The following SCIN variants were observed in gnomAD, a reference collection of about 807,000 sequenced individuals.
SCIN encodes the protein scinderin.
SCIN carries 91 observed loss-of-function variants against 91.8 expected under a neutral mutation model. The ratio of observed to expected loss-of-function variants is 0.99; its 90% CI spans 0.84 to 1.18. The LOEUF (loss-of-function observed/expected upper bound fraction) is 1.18, where lower values mean the gene tolerates loss of function less well. Ranked by LOEUF, SCIN falls within the 50% of genes most tolerant of loss-of-function variation. The pLI, the probability that SCIN is intolerant of heterozygous loss-of-function variation, is 0.00. For missense variants in SCIN, 1,087 were observed against 863.9 expected (o/e 1.26, Z -3.24); for synonymous variants, 367 against 312.6 (o/e 1.17, Z -1.84).
At chr7:12,643,944 A>C (rs1426260028) in intron 11 of SCIN, among the ~76,000 whole-genome samples, 194 bp from the exon 12 acceptor site, 3 of 152,126 alleles carry the variant, frequency 2.0e-5, no homozygotes, top group Admixed American at 2.0e-4. Flanking sequence ...CAAATCCACA[A>C]GTGACACAGA....
At chr7:12,616,372 T>C (rs1488720345) in intron 4 of SCIN, among the ~76,000 whole-genome samples, 2 of 152,266 alleles carry the variant, frequency 1.3e-5, no homozygotes, top group East Asian at 3.9e-4. Flanking sequence ...AAAAGTGAGT[T>C]TGGCCCCTTC....
Position 12,604,533 on chromosome 7 carries a change from G to T in SCIN, c.536G>T (p.Gly179Val). The T allele has an allele frequency of 6.4e-7, 1 of 1,551,670 alleles. No individual in the cohort carries two copies. The highest frequency in any genetic ancestry group is 8.7e-7 in the Non-Finnish European group (1 of 1,146,988). ...TTTTAGGAAATTTATCAGTGGTGTG[G>T]TTCCTCGTGCAACAAATATGAACGT... ...DLGTEIYQWCGSSCNKYERLK... is the reference protein window; with the variant it reads ...DLGTEIYQWCVSSCNKYERLK... The change falls in exon 4 of 16, where the codon GGT (glycine) becomes GTT (valine). Residue 179 changes from glycine to valine, a missense_variant. By Grantham distance (109) the Gly-to-Val change is moderately radical (BLOSUM62 -3). Transcript: ENST00000297029.
chr7:12,578,344 C>A, intron 2 of SCIN, 126 bp downstream of exon 2: 2 of 821,878 alleles, frequency 2.4e-6, no homozygotes, highest in East Asian at 2.9e-5. Context: ...TTGTTTTAAT[C>A]TGTTTTGTTC....
intron 14 of SCIN, among the ~76,000 whole-genome samples, chr7:12,649,862 A>G (rs1583325233): frequency 1.3e-5 from 2 of 152,324 alleles, no homozygotes; most frequent in East Asian, 3.9e-4. Flanking sequence ...ATTCGTGTGT[A>G]CAGTGTCATG....
chr7:12,602,054 G>T (rs762858600), intron 3 of SCIN, among the ~76,000 whole-genome samples: 11 of 152,078 alleles, frequency 7.2e-5, no homozygotes, highest in Non-Finnish European at 1.5e-4. Flanking sequence ...GCCAGATATC[G>T]GCGGAACCCG....
At chr7:12,594,545 T>C (rs1782796814) in intron 3 of SCIN, among the ~76,000 whole-genome samples, 1 of 152,180 alleles carries the variant, frequency 6.6e-6, no homozygotes, top group African/African-American at 2.4e-5. Context: ...CAATTGGTAT[T>C]GAGGCCATGC....
chr7:12,652,650 A>G lies in SCIN; in HGVS notation c.2083A>G (p.Lys695Glu). Residue 695 changes from lysine to glutamate, a missense_variant, in exon 16 of 16, where the codon AAA (lysine) becomes GAA (glutamate). Transcript: ENST00000297029. The part of the protein sequence containing the change: ...RDKRTPIVII[K>E]QGHEPPTFTG... ...CAAGAGGACACCAATTGTCATCATA[A>G]AACAGGGCCATGAGCCACCCACATT... 6.2e-7 allele frequency: 1 copy of G among 1,611,536 alleles called. No homozygotes were observed. The highest frequency in any genetic ancestry group is 8.5e-7 in the Non-Finnish European group (1 of 1,179,186).
chr7:12,594,499 G>T (rs1276932089), intron 3 of SCIN, among the ~76,000 whole-genome samples: 3 of 152,120 alleles, frequency 2.0e-5, no homozygotes. Context: ...TATTGAAATC[G>T]AAAGTGCCAT....
intron 9 of SCIN, among the ~76,000 whole-genome samples, chr7:12,633,939 A>G (rs1583313814): frequency 7.0e-6 from 1 of 143,668 alleles, no homozygotes; most frequent in Non-Finnish European, 1.5e-5. Flanking sequence ...AGCATTTTTT[A>G]TTTTCTTATC....
chr7:12,659,679 G>C lies in SCIN; in HGVS notation c.*6964G>C, dbSNP rs532981763. On this transcript the variant is annotated 3_prime_UTR_variant, in exon 16 of 16. Coordinates refer to ENST00000297029, the MANE Select transcript of SCIN (RefSeq NM_001112706.3). ...CTGTCCCTAGTCTGAGCCATATTTA[G>C]TGTCTTGAAAGAGCCACAGTGGCTG... 1.3e-5 allele frequency: 2 copies of C among 153,030 alleles called. No individual in the cohort carries two copies. Among genetic ancestry groups the C allele is most frequent in the South Asian group, 4.1e-4 (2 of 4,834 alleles). The allele number at this position is 153,030 out of a possible 1,614,324, so 9.5% of individuals were successfully genotyped here. A position where few individuals can be genotyped will look rare whatever the true frequency, so the allele number is the denominator to read the frequency against.
At chr7:12,645,018 T>TAA (rs35352647) in intron 13 of SCIN, among the ~76,000 whole-genome samples, 13,791 of 93,650 alleles carry the variant, frequency 0.15, 1,525 homozygotes, top group African/African-American at 0.3. Context: ...AAAACTCCGT[T>TAA]AAAAAAAAAA....
At chr7:12,652,496 T>C in intron 15 of SCIN, 92 bp from the exon 16 acceptor site, 1 of 1,144,070 alleles carries the variant, frequency 8.7e-7, no homozygotes, top group Non-Finnish European at 1.2e-6. Flanking sequence ...GGAAATTTAA[T>C]TCATTACTTT....
chr7:12,579,844 G>T (rs1457168281), intron 2 of SCIN, among the ~76,000 whole-genome samples: 1 of 152,168 alleles, frequency 6.6e-6, no homozygotes, highest in Non-Finnish European at 1.5e-5. Flanking sequence ...AACCCAGGAG[G>T]CAGAGGTTGC....
At chr7:12,633,551 G>A (rs1046761541) in intron 9 of SCIN, among the ~76,000 whole-genome samples, 1 of 152,172 alleles carries the variant, frequency 6.6e-6, no homozygotes, top group Non-Finnish European at 1.5e-5. Context: ...TGTTCAGGGT[G>A]TCATGAGGCA....
chr7:12,635,971 C>G, intron 9 of SCIN, 74 bp from the exon 10 acceptor site: 1 of 1,026,354 alleles, frequency 9.7e-7, no homozygotes, highest in Non-Finnish European at 1.5e-6. Flanking sequence ...TAACTTGTCT[C>G]TGCTTGCAAT....
At chr7:12,648,146 C>A (rs6945041) in intron 13 of SCIN, among the ~76,000 whole-genome samples, 34,594 of 151,918 alleles carry the variant, frequency 0.23, 4,560 homozygotes, top group Non-Finnish European at 0.29. Context: ...CCTTCCATTA[C>A]CCTTTAATGC....
At chr7:12,589,764 G>A (rs892403147) in intron 3 of SCIN, among the ~76,000 whole-genome samples, 1 of 152,158 alleles carries the variant, frequency 6.6e-6, no homozygotes, top group Admixed American at 6.5e-5. Flanking sequence ...CGGCTTGTTG[G>A]CAGAGGAGAT....
In SCIN at chr7:12,655,414, T is replaced by G. The variant is rs1011858922; in HGVS notation, c.*2699T>G. The G allele has an allele frequency of 4.0e-5, 6 of 151,832 alleles. No individual in the cohort carries two copies. The highest frequency in any genetic ancestry group is 1.3e-4 in the Admixed American group (2 of 15,248). 9.4% of individuals were successfully genotyped at this position (151,832 alleles called of 1,614,324 possible). A position where few individuals can be genotyped will look rare whatever the true frequency, so the allele number is the denominator to read the frequency against. Reference sequence around the variant, plus strand: ...TTCACTGAAAAGAAACTCTTACAAATCAATGAGTCAACAACCCAATGGAAA... The same window carrying G: ...TTCACTGAAAAGAAACTCTTACAAAGCAATGAGTCAACAACCCAATGGAAA... On this transcript the variant is annotated 3_prime_UTR_variant, in exon 16 of 16. Transcript: ENST00000297029.
intron 4 of SCIN, among the ~76,000 whole-genome samples, chr7:12,621,449 G>T (rs960686273): frequency 1.3e-5 from 2 of 151,814 alleles, no homozygotes; most frequent in African/African-American, 4.8e-5. Context: ...TCCCAGACTG[G>T]GTCCGCCCAC....
Sources: allele counts gnomAD v4.1 joint callset (sites outside exome capture counted in the v4.1 genomes callset), GRCh38; gene constraint gnomAD v4.1.1; transcripts MANE v1.5; gene names NCBI Gene and HGNC (gene_info 2026-07-23, HGNC 2026-07-21).